Variants in STIM1 observed in about 807,000 individuals in gnomAD.
The protein encoded by STIM1 is stromal interaction molecule 1.
Under a neutral mutation model 74.7 loss-of-function variants are expected in STIM1, and 25 were observed. The observed-to-expected ratio is 0.33, with a 90% CI of 0.24 to 0.47. STIM1 has a LOEUF of 0.47. STIM1 is among the 20% of genes least tolerant of loss of function. The pLI is 1.00. For synonymous variants in STIM1, 328 were observed against 348.8 expected, an observed-to-expected ratio of 0.94 and a Z score of 0.66; for missense variants, 728 against 920.8, an observed-to-expected ratio of 0.79 and a Z score of 2.71.
At chr11:3,863,264 GTGTA>G (rs1358255977) in intron 1 of STIM1, among the ~76,000 whole-genome samples, 27 of 53,404 alleles carry the variant, frequency 5.1e-4, no homozygotes, top group East Asian at 1.2e-3. Context: ...GTGTGTGTGT[GTGTA>G]TGTATTTGAG....
intron 6 of STIM1, among the ~76,000 whole-genome samples, chr11:4,072,038 A>G (rs985147227): frequency 6.6e-6 from 1 of 152,180 alleles, no homozygotes; most frequent in African/African-American, 2.4e-5. Context: ...AGCAGTCCCC[A>G]TACCTCATTT....
rs182046507 is a variant in STIM1 at position 4,069,644 on chromosome 11, C to T, written c.614-382C>T. Among the ~76,000 whole-genome samples, 99 of 152,274 alleles carry T rather than the reference C, an allele frequency of 6.5e-4. 1 individual carries two copies. The highest frequency in any genetic ancestry group is 2.3e-3 in the African/African-American group (97 of 41,550). ...TCATCTCCATTTACCTACTGTGGAA[C>T]TTTAGAATTGCTTACCCTGTATGAC... On this transcript the variant is annotated intron_variant, in intron 5 of 12. Coordinates refer to ENST00000526596, the MANE Select transcript of STIM1 (RefSeq NM_001382567.1).
chr11:4,088,876 C>T (rs752808660), intron 12 of STIM1: 21 of 850,496 alleles, frequency 2.5e-5, no homozygotes, highest in Non-Finnish European at 3.5e-5. Flanking sequence ...CCCTAGGCTT[C>T]CTCCCAGGTT....
rs374038686 is a variant in STIM1 at position 3,887,751 on chromosome 11, G to C, written c.139+31342G>C. On this transcript the variant is annotated intron_variant, in intron 1 of 12. Transcript: ENST00000526596. Reference sequence around the variant, plus strand: ...TGGGAGGCCGAGACGGGCGGATCACGAGGTCAGGAGATTGAGACCATCCTG... The same window carrying C: ...TGGGAGGCCGAGACGGGCGGATCACCAGGTCAGGAGATTGAGACCATCCTG... 8.5e-5 allele frequency among the ~76,000 whole-genome samples: 13 copies of C among 152,114 alleles called. No individual in the cohort carries two copies. In the South Asian group the frequency reaches 1.7e-3, roughly 19 times the overall value.
chr11:4,034,342 T>G (rs2094081270), intron 3 of STIM1, among the ~76,000 whole-genome samples: 1 of 152,154 alleles, frequency 6.6e-6, no homozygotes. Context: ...TTATCAGGCA[T>G]AGATACTGGA....
At chr11:3,995,853 A>G (rs2093658780) in intron 2 of STIM1, among the ~76,000 whole-genome samples, 2 of 145,216 alleles carry the variant, frequency 1.4e-5, no homozygotes, top group South Asian at 4.4e-4. Flanking sequence ...TATGTGCAGG[A>G]TGTGCAGGTG....
chr11:4,041,461 T>C (rs760277333), intron 3 of STIM1, among the ~76,000 whole-genome samples: 8 of 152,258 alleles, frequency 5.3e-5, no homozygotes, highest in Middle Eastern at 3.4e-3. Flanking sequence ...TTACTACATT[T>C]TTATGATGTG....
intron 1 of STIM1, among the ~76,000 whole-genome samples, chr11:3,882,374 C>T (rs1043079066): frequency 1.3e-5 from 2 of 152,162 alleles, no homozygotes; most frequent in African/African-American, 2.4e-5. Flanking sequence ...GCTGGGATTA[C>T]AGGTGTGAGC....
intron 1 of STIM1, among the ~76,000 whole-genome samples, chr11:3,873,578 T>G (rs926735324): frequency 6.6e-6 from 1 of 152,074 alleles, no homozygotes; most frequent in African/African-American, 2.4e-5. Context: ...TGTGTTTACC[T>G]CTGAACTGAG....
intron 1 of STIM1, among the ~76,000 whole-genome samples, chr11:3,875,138 A>C (rs921739924): frequency 5.9e-5 from 9 of 152,076 alleles, no homozygotes; most frequent in African/African-American, 2.2e-4. Flanking sequence ...CCTGTTGACC[A>C]TGGTGCTTGG....
chr11:3,961,804 G>C (rs1295404736), intron 1 of STIM1, among the ~76,000 whole-genome samples: 3 of 152,134 alleles, frequency 2.0e-5, no homozygotes, highest in Non-Finnish European at 4.4e-5. Flanking sequence ...CACTGCGCCC[G>C]GCCAAATACC....
chr11:4,007,131 C>T (rs567044124), intron 2 of STIM1, among the ~76,000 whole-genome samples: 5 of 152,192 alleles, frequency 3.3e-5, no homozygotes, highest in African/African-American at 1.2e-4. Flanking sequence ...GATCATTTTT[C>T]TGGGCGCATG....
intron 2 of STIM1, among the ~76,000 whole-genome samples, chr11:3,980,686 A>ACAACAACAACAACAACAAC (rs1319797329): frequency 6.6e-6 from 1 of 150,784 alleles, no homozygotes; most frequent in Admixed American, 6.6e-5. Context: ...ACAACAAAAA[A>ACAACAACAACAACAACAAC]AAACAAATAG....
intron 1 of STIM1, chr11:3,961,534 A>T (rs1217109161): frequency 1.3e-5 from 2 of 150,688 alleles, no homozygotes; most frequent in East Asian, 3.9e-4. Flanking sequence ...TTTGAGACAG[A>T]GTCTTGCTCT....
rs534119710 is a variant in STIM1, at chr11:3,952,930, A to G, written c.140-14622A>G. ...ATAACAGTTGGACAGCTCCTGCATC[A>G]GAAGCCCATGTTATTGAGGTCAAGG... On this transcript the variant is annotated intron_variant, in intron 1 of 12. Coordinates refer to ENST00000526596, the MANE Select transcript of STIM1 (RefSeq NM_001382567.1). Among the ~76,000 whole-genome samples the G allele has an allele frequency of 3.3e-3, 496 of 152,350 alleles. 3 individuals are homozygous for G. Among genetic ancestry groups the G allele is most frequent in the Non-Finnish European group, 6.0e-3 (409 of 68,030 alleles).
rs535963854 is a variant in STIM1 at position 3,858,158 on chromosome 11, G to T, written c.139+1749G>T. ...ACATAAGATGAATATTTTTTGGAGA[G>T]TGGGTGTTCTATATTTTAGACATAA... On this transcript the variant is annotated intron_variant, in intron 1 of 12. Transcript: ENST00000526596. 1.3e-5 allele frequency among the ~76,000 whole-genome samples: 2 copies of T among 152,184 alleles called. 1 individual carries two copies. The highest frequency in any genetic ancestry group is 4.1e-4 in the South Asian group (2 of 4,820).
intron 1 of STIM1, among the ~76,000 whole-genome samples, chr11:3,928,797 C>T (rs1002708757): frequency 6.6e-6 from 1 of 152,210 alleles, no homozygotes; most frequent in Admixed American, 6.5e-5. Flanking sequence ...CATTCATACA[C>T]AAATGTAGAA....
intron 1 of STIM1, among the ~76,000 whole-genome samples, chr11:3,931,110 A>G (rs951986662): frequency 6.6e-6 from 1 of 152,222 alleles, no homozygotes; most frequent in Non-Finnish European, 1.5e-5. Flanking sequence ...GAGGGTGCAT[A>G]TATCAGAGGA....
chr11:3,982,608 A>G (rs1350740412), intron 2 of STIM1, among the ~76,000 whole-genome samples: 1 of 152,180 alleles, frequency 6.6e-6, no homozygotes, highest in African/African-American at 2.4e-5. Context: ...TGTATAACCC[A>G]TAAGGAAAGA....
Sources: gnomAD v4.1 joint callset for allele counts (sites outside exome capture counted in the v4.1 genomes callset) on GRCh38, gnomAD v4.1.1 for gene constraint, MANE v1.5 for transcripts, NCBI Gene and HGNC (gene_info 2026-07-23, HGNC 2026-07-21) for gene names.